The following FAAH2 variants were observed in gnomAD, a reference collection of about 807,000 sequenced individuals.
FAAH2 encodes the protein fatty-acid amide hydrolase 2.
Under a neutral mutation model 36.9 loss-of-function variants are expected in FAAH2, and 60 were observed. The ratio of observed to expected loss-of-function variants is 1.63; its 90% CI spans 1.32 to 2.02. FAAH2 has a LOEUF of 2.02. Among genes scored for constraint, FAAH2 ranks in the 30% most tolerant of loss-of-function variants. The pLI is 0.00. For synonymous variants in FAAH2, 214 were observed against 143.8 expected, an observed-to-expected ratio of 1.49 and a Z score of -3.49; for missense variants, 689 against 397.5, an observed-to-expected ratio of 1.73 and a Z score of -6.23.
chrX:57,335,427 C>G (rs2053521611), intron 4 of FAAH2, among the ~76,000 whole-genome samples: 1 of 112,194 alleles, frequency 8.9e-6, no homozygotes, highest in African/African-American at 3.2e-5. Context: ...ACAAATGTCT[C>G]TGCATCATAA....
At chrX:57,300,594 C>A (rs1003201701) in intron 2 of FAAH2, among the ~76,000 whole-genome samples, 10 of 111,525 alleles carry the variant, frequency 9.0e-5, no homozygotes, top group Non-Finnish European at 1.9e-4. Flanking sequence ...GCAACAAAAG[C>A]CAAAATTGAC....
At chrX:57,153,798 C>T in the FAAH2 span, among the ~76,000 whole-genome samples, 2 of 112,425 alleles carry the variant, frequency 1.8e-5, no homozygotes, top group African/African-American at 3.2e-5. Flanking sequence ...AGATTCTTAC[C>T]TTTGTCTTGA....
chrX:57,320,751 C>G (rs1199512600), intron 3 of FAAH2, among the ~76,000 whole-genome samples: 1 of 112,340 alleles, frequency 8.9e-6, no homozygotes, highest in African/African-American at 3.2e-5. Flanking sequence ...TTCATAAAAG[C>G]AAAGACTTGG....
chrX:57,290,643 A>G (rs779279652), intron 1 of FAAH2, among the ~76,000 whole-genome samples: 58 of 111,397 alleles, frequency 5.2e-4, no homozygotes, highest in African/African-American at 1.7e-3. Context: ...ATCTTTTTAT[A>G]CTGGTTTTGT....
At chrX:57,348,702 A>G (rs2053897832) in intron 5 of FAAH2, among the ~76,000 whole-genome samples, 1 of 111,593 alleles carries the variant, frequency 9.0e-6, no homozygotes, top group African/African-American at 3.3e-5. Context: ...AAAATACTAT[A>G]CAGAGATTTA....
intron 5 of FAAH2, among the ~76,000 whole-genome samples, chrX:57,373,094 A>T (rs1483765665): frequency 3.6e-5 from 4 of 111,535 alleles, no homozygotes; most frequent in Non-Finnish European, 7.5e-5. Flanking sequence ...TCCAAGGTAT[A>T]TCATGGTATA....
intron 8 of FAAH2, among the ~76,000 whole-genome samples, chrX:57,442,352 A>G (rs2056578302): frequency 9.0e-6 from 1 of 111,318 alleles, no homozygotes; most frequent in Non-Finnish European, 1.9e-5. Context: ...TGATCCCTTT[A>G]CCATTATGGA....
the FAAH2 span, among the ~76,000 whole-genome samples, chrX:57,141,057 A>G: frequency 8.9e-6 from 1 of 112,131 alleles, no homozygotes; most frequent in Admixed American, 9.4e-5. Context: ...CCCATTTCAT[A>G]TGATGCTAGC....
intron 7 of FAAH2, among the ~76,000 whole-genome samples, chrX:57,404,908 G>A (rs1448184486): frequency 1.8e-5 from 2 of 111,981 alleles, no homozygotes; most frequent in African/African-American, 6.5e-5. Flanking sequence ...AGTTCAGGAT[G>A]ACAGCTTTCT....
intron 8 of FAAH2, among the ~76,000 whole-genome samples, chrX:57,442,253 T>C (rs1343380182): frequency 2.7e-5 from 3 of 111,410 alleles, no homozygotes; most frequent in African/African-American, 9.8e-5. Context: ...TAAGTCTCTT[T>C]GTAGGCCTCT....
chrX:57,460,379 C>T (rs1345725434), intron 10 of FAAH2, among the ~76,000 whole-genome samples: 1 of 111,226 alleles, frequency 9.0e-6, no homozygotes, highest in African/African-American at 3.3e-5. Context: ...AGTTGAAAGG[C>T]TGGAATAAAT....
intron 7 of FAAH2, among the ~76,000 whole-genome samples, chrX:57,428,571 A>T (rs1476853012): frequency 2.7e-5 from 3 of 112,006 alleles, no homozygotes; most frequent in Non-Finnish European, 5.6e-5. Flanking sequence ...AGAAGAGAGA[A>T]CCCAGAAATT....
the FAAH2 span, among the ~76,000 whole-genome samples, chrX:57,243,055 A>G: frequency 9.0e-6 from 1 of 111,616 alleles, no homozygotes; most frequent in African/African-American, 3.3e-5. Context: ...GGGATGCTCC[A>G]GGTTGGTGGG....
At chrX:57,328,704 A>G (rs1464934599) in intron 3 of FAAH2, among the ~76,000 whole-genome samples, 1 of 111,749 alleles carries the variant, frequency 8.9e-6, no homozygotes, top group Non-Finnish European at 1.9e-5. Flanking sequence ...TTTCTTCAAC[A>G]TTTAAAGTTG....
chrX:57,201,447 G>A, the FAAH2 span, among the ~76,000 whole-genome samples: 1 of 109,963 alleles, frequency 9.1e-6, no homozygotes, highest in African/African-American at 3.3e-5. Context: ...AAAAAAAGAA[G>A]TCTGTCTGCT....
At position 57,330,159 on chromosome X, in the gene FAAH2, G is replaced by T. The variant is rs762410785; in HGVS notation, c.413-1439G>T. ...GAGATAACCTTAAACTCTGACCACCGGTGAGCCGGGTGGAACAGAGTCATA... is the reference window on the plus strand; with the variant it reads ...GAGATAACCTTAAACTCTGACCACCTGTGAGCCGGGTGGAACAGAGTCATA... On this transcript the variant is annotated intron_variant, in intron 3 of 10. Transcript: ENST00000374900. Among the ~76,000 whole-genome samples the T allele has an allele frequency of 7.1e-5, 8 of 111,923 alleles. No individual in the cohort carries two copies. In the Admixed American group the frequency reaches 7.6e-4, roughly 11 times the overall value.
chrX:57,357,561 T>A (rs1019175568), intron 5 of FAAH2, among the ~76,000 whole-genome samples: 2 of 111,953 alleles, frequency 1.8e-5, no homozygotes, highest in African/African-American at 6.5e-5. Flanking sequence ...GAGACATTTA[T>A]GCAGACAACA....
At chrX:57,305,062 T>TTGTG (rs60804398) in intron 2 of FAAH2, among the ~76,000 whole-genome samples, 1,304 of 103,783 alleles carry the variant, frequency 0.013, 17 homozygotes, top group Non-Finnish European at 0.019. Context: ...TTCTGTAATT[T>TTGTG]TGTGTGTGTG....
chrX:57,292,587 A>C lies in FAAH2; in HGVS notation c.275+7A>C, dbSNP rs1372353367. On this transcript the variant is annotated splice_region_variant and intron_variant, in intron 2 of 10. Transcript: ENST00000374900. ...ATGGAATTGTCAAGTACAGGTGAGC[A>C]TTTCCACTCTCTCAAGGAGTCATTT... 8.3e-7 allele frequency: 1 copy of C among 1,198,251 alleles called. No individual in the cohort carries two copies. The highest frequency in any genetic ancestry group is 2.2e-5 in the Admixed American group (1 of 45,442).
Sources: allele counts gnomAD v4.1 joint callset (sites outside exome capture counted in the v4.1 genomes callset), GRCh38; gene constraint gnomAD v4.1.1; transcripts MANE v1.5; gene names NCBI Gene and HGNC (gene_info 2026-07-23, HGNC 2026-07-21).